The following PRR16 variants were observed in gnomAD, a reference collection of about 807,000 sequenced individuals.
PRR16 encodes proline rich 16.
A neutral mutation model predicts 18.2 loss-of-function variants in PRR16; 6 were observed. That is an observed-to-expected ratio of 0.33 (90% CI 0.18 to 0.65). PRR16 has a LOEUF of 0.65. Among genes scored for constraint, PRR16 ranks in the 30% least tolerant of loss-of-function variants. The pLI, the probability that PRR16 is intolerant of heterozygous loss-of-function variation, is 0.74. For synonymous variants in PRR16, 151 were observed against 147.8 expected, an observed-to-expected ratio of 1.02 and a Z score of -0.16; for missense variants, 412 against 376.6, an observed-to-expected ratio of 1.09 and a Z score of -0.78.
the PRR16 span, among the ~76,000 whole-genome samples, chr5:120,740,748 G>T: frequency 6.6e-6 from 1 of 152,132 alleles, no homozygotes; most frequent in Non-Finnish European, 1.5e-5. Context: ...GGAATTGGGG[G>T]AGGGGGACAG....
chr5:120,645,228 T>A (rs1755548438), intron 1 of PRR16, among the ~76,000 whole-genome samples: 1 of 152,076 alleles, frequency 6.6e-6, no homozygotes, highest in Non-Finnish European at 1.5e-5. Flanking sequence ...TCATAAATTT[T>A]CAACGTATGT....
At chr5:120,658,976 T>C (rs1011294505) in intron 1 of PRR16, among the ~76,000 whole-genome samples, 1 of 151,872 alleles carries the variant, frequency 6.6e-6, no homozygotes, top group Non-Finnish European at 1.5e-5. Flanking sequence ...CAATCAGGGT[T>C]CTTTCAGCAG....
intron 1 of PRR16, among the ~76,000 whole-genome samples, chr5:120,647,613 C>A (rs1332142377): frequency 6.6e-6 from 1 of 151,982 alleles, no homozygotes; most frequent in Admixed American, 6.6e-5. Context: ...CAAATTATTT[C>A]TTTACTAATT....
chr5:120,776,543 C>T, the PRR16 span, among the ~76,000 whole-genome samples: 7 of 152,018 alleles, frequency 4.6e-5, no homozygotes, highest in African/African-American at 1.4e-4. Context: ...TTCTAAATGA[C>T]TGTTATTAAG....
chr5:120,601,668 G>T (rs1753986570), intron 1 of PRR16, among the ~76,000 whole-genome samples: 1 of 151,596 alleles, frequency 6.6e-6, no homozygotes, highest in Non-Finnish European at 1.5e-5. Context: ...GTGTTTCCTA[G>T]GTTTTCTTCT....
intron 1 of PRR16, among the ~76,000 whole-genome samples, chr5:120,583,541 A>C (rs1228031373): frequency 6.6e-6 from 1 of 152,248 alleles, no homozygotes; most frequent in East Asian, 1.9e-4. Flanking sequence ...GTACTGAGAA[A>C]CTGGTAATTT....
chr5:120,785,213 G>A, the PRR16 span, among the ~76,000 whole-genome samples: 30 of 152,070 alleles, frequency 2.0e-4, no homozygotes, highest in African/African-American at 7.0e-4. Context: ...CAAGTGTCTA[G>A]GGCTACAACC....
chr5:120,614,883 A>G (rs1290840296), intron 1 of PRR16, among the ~76,000 whole-genome samples: 1 of 152,190 alleles, frequency 6.6e-6, no homozygotes, highest in East Asian at 1.9e-4. Flanking sequence ...GGCACCAGCT[A>G]TAGCAGCTTG....
At chr5:120,758,420 T>G in the PRR16 span, among the ~76,000 whole-genome samples, 1 of 152,180 alleles carries the variant, frequency 6.6e-6, no homozygotes, top group South Asian at 2.1e-4. Context: ...AAAGTTATTT[T>G]CATTCTGTTG....
At chr5:120,629,523 C>T (rs1754985937) in intron 1 of PRR16, among the ~76,000 whole-genome samples, 2 of 152,114 alleles carry the variant, frequency 1.3e-5, no homozygotes. Context: ...TAATTCTGCT[C>T]ACCACCTTAC....
chr5:120,700,981 T>C, the PRR16 span, among the ~76,000 whole-genome samples: 2 of 152,250 alleles, frequency 1.3e-5, no homozygotes, highest in Admixed American at 1.3e-4. Context: ...CTCACACAGA[T>C]GGGACACAGC....
chr5:120,754,004 A>C, the PRR16 span, among the ~76,000 whole-genome samples: 1 of 126,992 alleles, frequency 7.9e-6, no homozygotes, highest in Non-Finnish European at 1.6e-5. Context: ...TATAATATAT[A>C]TATTATATAA....
the PRR16 span, among the ~76,000 whole-genome samples, chr5:120,769,136 G>T: frequency 6.7e-6 from 1 of 150,156 alleles, no homozygotes; most frequent in African/African-American, 2.4e-5. Context: ...AGACAATGTT[G>T]AACCTTTAAA....
At chr5:120,770,225 A>G in the PRR16 span, among the ~76,000 whole-genome samples, 1 of 146,752 alleles carries the variant, frequency 6.8e-6, no homozygotes, top group Non-Finnish European at 1.5e-5. Flanking sequence ...TTAAAACTCT[A>G]TAGCACTGAC....
chr5:120,632,617 G>A (rs377570503), intron 1 of PRR16, among the ~76,000 whole-genome samples: 122 of 152,058 alleles, frequency 8.0e-4, no homozygotes, highest in African/African-American at 2.4e-3. Flanking sequence ...TCGAAGAAGC[G>A]GAAGAAAGAA....
chr5:120,547,632 G>A (rs1752115752), intron 1 of PRR16, among the ~76,000 whole-genome samples: 1 of 151,796 alleles, frequency 6.6e-6, no homozygotes, highest in African/African-American at 2.4e-5. Context: ...CAACAAGGTT[G>A]TGTTTTGTTA....
intron 1 of PRR16, among the ~76,000 whole-genome samples, chr5:120,647,184 G>A (rs1227817724): frequency 6.6e-6 from 1 of 151,708 alleles, no homozygotes; most frequent in Non-Finnish European, 1.5e-5. Context: ...GAGAAGTATA[G>A]AATGGGAATT....
At chr5:120,764,248 G>T in the PRR16 span, among the ~76,000 whole-genome samples, 1 of 151,966 alleles carries the variant, frequency 6.6e-6, no homozygotes. Context: ...TGCCTAGTTT[G>T]TTGAAAGTTT....
intron 1 of PRR16, among the ~76,000 whole-genome samples, chr5:120,548,694 A>G (rs1752152585): frequency 6.8e-6 from 1 of 146,464 alleles, no homozygotes; most frequent in Non-Finnish European, 1.5e-5. Context: ...CTGGAAATAA[A>G]TTAGGGCTTG....
Sources: allele counts gnomAD v4.1 joint callset (sites outside exome capture counted in the v4.1 genomes callset), GRCh38; gene constraint gnomAD v4.1.1; transcripts MANE v1.5; gene names NCBI Gene and HGNC (gene_info 2026-07-23, HGNC 2026-07-21).